The following GRIK2 variants were observed in gnomAD, a reference collection of about 807,000 sequenced individuals.
GRIK2 encodes glutamate ionotropic receptor kainate type subunit 2.
A neutral mutation model predicts 100.3 loss-of-function variants in GRIK2; 32 were observed. The observed-to-expected ratio is 0.32, with a 90% CI of 0.24 to 0.43. GRIK2 has a LOEUF of 0.43. Ranked by LOEUF, GRIK2 falls within the 20% of genes least tolerant of loss-of-function variation. The pLI is 1.00. For synonymous variants in GRIK2, 417 were observed against 389.4 expected (o/e 1.07, Z -0.83); for missense variants, 843 against 1,114.9 (o/e 0.76, Z 3.47).
At chr6:102,030,030 T>A (rs1031504685) in intron 14 of GRIK2, among the ~76,000 whole-genome samples, 11 of 151,264 alleles carry the variant, frequency 7.3e-5, no homozygotes, top group Non-Finnish European at 3.0e-5. Flanking sequence ...TCTTAGCAAC[T>A]TTCAAGTATA....
At chr6:101,546,512 G>T (rs1410104632) in intron 2 of GRIK2, among the ~76,000 whole-genome samples, 3 of 152,102 alleles carry the variant, frequency 2.0e-5, no homozygotes, top group Non-Finnish European at 2.9e-5. Context: ...CAAACTGAAG[G>T]TATTAAATCC....
intron 4 of GRIK2, among the ~76,000 whole-genome samples, chr6:101,655,452 C>T (rs1174279510): frequency 1.3e-5 from 2 of 152,092 alleles, no homozygotes; most frequent in East Asian, 3.9e-4. Flanking sequence ...AAGAAAAATA[C>T]AGCTGCACCA....
intron 14 of GRIK2, among the ~76,000 whole-genome samples, chr6:101,965,490 C>A (rs185928915): frequency 1.3e-5 from 2 of 152,100 alleles, no homozygotes; most frequent in Non-Finnish European, 2.9e-5. Context: ...GCAGTTTGTT[C>A]CTTGGGTTGA....
intron 7 of GRIK2, among the ~76,000 whole-genome samples, chr6:101,788,622 T>A (rs1028439513): frequency 6.6e-5 from 10 of 152,234 alleles, no homozygotes; most frequent in African/African-American, 2.4e-4. Context: ...GTTGGACATT[T>A]GGGTTGGATC....
At chr6:101,733,253 T>C (rs1195460641) in intron 7 of GRIK2, among the ~76,000 whole-genome samples, 5 of 152,140 alleles carry the variant, frequency 3.3e-5, no homozygotes, top group African/African-American at 1.2e-4. Context: ...TATTACTCTT[T>C]CCTGAGAAAA....
chr6:101,395,946 T>G (rs1040333630), intron 1 of GRIK2, among the ~76,000 whole-genome samples: 4 of 152,170 alleles, frequency 2.6e-5, no homozygotes, highest in Non-Finnish European at 4.4e-5. Context: ...GACCATAGAA[T>G]AAAATATATA....
At chr6:101,794,202 AG>A (rs1780119390) in intron 7 of GRIK2, among the ~76,000 whole-genome samples, 1 of 152,088 alleles carries the variant, frequency 6.6e-6, no homozygotes, top group South Asian at 2.1e-4. Context: ...GCTCGCGCAC[AG>A]TGCACTGCAC....
At chr6:101,783,889 A>T (rs1191065754) in intron 7 of GRIK2, among the ~76,000 whole-genome samples, 1 of 152,224 alleles carries the variant, frequency 6.6e-6, no homozygotes, top group Non-Finnish European at 1.5e-5. Context: ...CAAAACATTC[A>T]AGATGTAACC....
intron 14 of GRIK2, among the ~76,000 whole-genome samples, chr6:102,019,761 C>A (rs1054961639): frequency 5.9e-5 from 9 of 151,922 alleles, no homozygotes; most frequent in African/African-American, 2.2e-4. Flanking sequence ...AACAAATCAT[C>A]CTTGACATAT....
chr6:101,420,494 G>A (rs1044046913), intron 2 of GRIK2, among the ~76,000 whole-genome samples: 7 of 152,086 alleles, frequency 4.6e-5, no homozygotes, highest in African/African-American at 1.7e-4. Context: ...TGTGGCCTCT[G>A]GACCAGCATC....
intron 9 of GRIK2, among the ~76,000 whole-genome samples, chr6:101,809,487 C>T (rs1486513526): frequency 1.3e-5 from 2 of 151,792 alleles, no homozygotes; most frequent in African/African-American, 2.4e-5. Flanking sequence ...GAAAATCTAC[C>T]TCAGATAGGT....
intron 4 of GRIK2, among the ~76,000 whole-genome samples, chr6:101,652,271 C>T (rs543611282): frequency 2.0e-5 from 3 of 152,202 alleles, no homozygotes; most frequent in Admixed American, 2.0e-4. Flanking sequence ...AGGTGGAGCC[C>T]TCATGAATGG....
chr6:101,875,888 G>C (rs1785797978), intron 11 of GRIK2, among the ~76,000 whole-genome samples: 1 of 151,766 alleles, frequency 6.6e-6, no homozygotes, highest in South Asian at 2.1e-4. Flanking sequence ...TGTTTAGATT[G>C]AACATATTTT....
At chr6:101,491,322 AT>A (rs1773099802) in intron 2 of GRIK2, among the ~76,000 whole-genome samples, 1 of 151,570 alleles carries the variant, frequency 6.6e-6, no homozygotes, top group Non-Finnish European at 1.5e-5. Context: ...CCTCACATTC[AT>A]TTGGGATTGA....
At chr6:101,734,280 T>TATA (rs1775485338) in intron 7 of GRIK2, among the ~76,000 whole-genome samples, 1 of 152,146 alleles carries the variant, frequency 6.6e-6, no homozygotes, top group South Asian at 2.1e-4. Flanking sequence ...GAGTTAATGT[T>TATA]ATAGTTCCAG....
intron 2 of GRIK2, among the ~76,000 whole-genome samples, chr6:101,589,589 TA>T (rs1582780989): frequency 6.6e-6 from 1 of 152,178 alleles, no homozygotes; most frequent in Admixed American, 6.5e-5. Flanking sequence ...TCACTTAACA[TA>T]ATGTCCTCCA....
chr6:101,637,073 T>G (rs1039950888), intron 4 of GRIK2, among the ~76,000 whole-genome samples: 1 of 152,148 alleles, frequency 6.6e-6, no homozygotes, highest in African/African-American at 2.4e-5. Context: ...TTTTGGCCAT[T>G]TATTCCCATT....
At chr6:102,024,968 A>G in intron 14 of GRIK2, among the ~76,000 whole-genome samples, 1 of 150,122 alleles carries the variant, frequency 6.7e-6, no homozygotes, top group Non-Finnish European at 1.5e-5. Flanking sequence ...AAAAACAAAA[A>G]TAAATAAATA....
chr6:101,793,913 G>T lies in GRIK2; in HGVS notation c.952-5735G>T, dbSNP rs531758832. Among the ~76,000 whole-genome samples, 56 of 152,278 alleles carry T rather than the reference G, an allele frequency of 3.7e-4. 2 individuals carry two copies. The highest frequency in any genetic ancestry group is 3.3e-4 in the Admixed American group (5 of 15,306). ...GTTTACCTAAGTGAGCCTGGGCAATGGTGGGCGCCCCTCTCCCAGCCTCCC... is the reference window on the plus strand; with the variant it reads ...GTTTACCTAAGTGAGCCTGGGCAATTGTGGGCGCCCCTCTCCCAGCCTCCC... On this transcript the variant is annotated intron_variant, in intron 7 of 16. Transcript: ENST00000369134.
Sources: gnomAD v4.1 joint callset for allele counts (sites outside exome capture counted in the v4.1 genomes callset) on GRCh38, gnomAD v4.1.1 for gene constraint, MANE v1.5 for transcripts, NCBI Gene and HGNC (gene_info 2026-07-23, HGNC 2026-07-21) for gene names.